Variants in DGKD observed in about 807,000 individuals in gnomAD.
The protein encoded by DGKD is DAG kinase delta.
DGKD carries 68 observed loss-of-function variants against 154.4 expected under a neutral mutation model. The ratio of observed to expected loss-of-function variants is 0.44; its 90% CI spans 0.36 to 0.54. The LOEUF is 0.54. Ranked by LOEUF, DGKD falls within the 20% of genes least tolerant of loss-of-function variation. The probability of loss-of-function intolerance (pLI) is 0.00; values close to 1 mark genes in which losing one functional copy is unlikely to be tolerated. For missense variants in DGKD, 1,343 were observed against 1,593.6 expected (o/e 0.84, Z 2.68); for synonymous variants, 693 against 638.0 (o/e 1.09, Z -1.30).
intron 1 of DGKD, among the ~76,000 whole-genome samples, chr2:233,369,651 T>G (rs1559475854): frequency 6.6e-6 from 1 of 152,226 alleles, no homozygotes; most frequent in Non-Finnish European, 1.5e-5. Flanking sequence ...GGCTGCGGGT[T>G]TGAATTGCTG....
At chr2:233,454,455 G>A (rs754345347) in intron 18 of DGKD, 4 of 484,022 alleles carry the variant, frequency 8.3e-6, no homozygotes, top group South Asian at 3.1e-5. Flanking sequence ...GACGAGAGGC[G>A]CCAGGGATGG....
intron 2 of DGKD, 129 bp from the exon 3 acceptor site, chr2:233,390,274 A>G: frequency 5.4e-6 from 3 of 554,106 alleles, no homozygotes; most frequent in Non-Finnish European, 9.4e-6. Flanking sequence ...TGGATGCTAC[A>G]GTTTCAAGGT....
Position 233,467,145 on chromosome 2 carries a change from G to C in DGKD, c.3366G>C (p.Lys1122Asn). The C allele has an allele frequency of 6.2e-7, 1 of 1,614,214 alleles. No individual in the cohort carries two copies. Among genetic ancestry groups the C allele is most frequent in the Non-Finnish European group, 8.5e-7 (1 of 1,180,034 alleles). ...SRSGKFRLVT[K>N]FKKEKNNKNK... ...GTGGTAAATTCCGCCTCGTGACCAA[G>C]TTTAAAAAGGAGAAAAACAACAAGA... Residue 1122 changes from lysine to asparagine, a missense_variant, in exon 28 of 30, where the codon AAG (lysine) becomes AAC (asparagine). By Grantham distance (94) the Lys-to-Asn change is moderately conservative (BLOSUM62 0). Transcript: ENST00000264057.
Position 233,411,790 on chromosome 2 carries a change from T to C in DGKD, c.348+21307T>C, listed in dbSNP as rs2061837565. Among the ~76,000 whole-genome samples, 8 of 152,226 alleles carry C rather than the reference T, an allele frequency of 5.3e-5. No homozygotes were observed. In the South Asian group the frequency reaches 1.7e-3, roughly 31 times the overall value. ...CTATAAGTTTTGTAGTTTTAGGTTT[T>C]ACAGTTGGGATTATTATTGATGTTC... On this transcript the variant is annotated intron_variant, in intron 3 of 29. Transcript: ENST00000264057.
Position 233,458,532 on chromosome 2 carries a change from G to A in DGKD, c.2694+135G>A, listed in dbSNP as rs950699970. 1.4e-4 allele frequency: 77 copies of A among 545,734 alleles called. No individual in the cohort carries two copies. Among genetic ancestry groups the A allele is most frequent in the African/African-American group, 1.2e-3 (65 of 53,414 alleles). 33.8% of individuals were successfully genotyped at this position (545,734 alleles called of 1,614,324 possible). The stretch of plus-strand genomic sequence containing the variant: ...GCTGCCTCATGTCCTGTCCTGGACA[G>A]CTCGTGGCCCCACTTCCTGGGCCAG... On this transcript the variant is annotated intron_variant, in intron 22 of 29. Coordinates refer to ENST00000264057, the MANE Select transcript of DGKD (RefSeq NM_152879.3). The surrounding 1 kb of genome is among the most constrained non-coding windows in gnomAD (Gnocchi z 6.6).
intron 1 of DGKD, among the ~76,000 whole-genome samples, chr2:233,377,231 T>G (rs936969322): frequency 6.6e-6 from 1 of 151,992 alleles, no homozygotes; most frequent in Non-Finnish European, 1.5e-5. Context: ...TACAGGTGTG[T>G]GCCACCACTC....
At chr2:233,357,694 G>A (rs11679008) in intron 1 of DGKD, among the ~76,000 whole-genome samples, 16,546 of 151,884 alleles carry the variant, frequency 0.11, 1,010 homozygotes, top group South Asian at 0.15. Context: ...ATGCCACCAT[G>A]CTGGCTAATT....
At chr2:233,447,576 G>C (rs778978192) in intron 12 of DGKD, 1 of 985,860 alleles carries the variant, frequency 1.0e-6, no homozygotes, top group East Asian at 1.1e-4. Flanking sequence ...AATATTCGCT[G>C]TCTGGCCAGT....
At chr2:233,437,509 T>C in intron 8 of DGKD, 30 bp downstream of exon 8, 1 of 1,596,640 alleles carries the variant, frequency 6.3e-7, no homozygotes, top group Non-Finnish European at 8.6e-7. Flanking sequence ...ATCCTTCTCA[T>C]GCACGCCCAC....
chr2:233,458,589 A>T lies in DGKD; in HGVS notation c.2694+192A>T, dbSNP rs2063530106. On this transcript the variant is annotated intron_variant, in intron 22 of 29. Coordinates refer to ENST00000264057, the MANE Select transcript of DGKD (RefSeq NM_152879.3). The surrounding 1 kb of genome is among the most constrained non-coding windows in gnomAD (Gnocchi z 6.6). Reference sequence around the variant, plus strand: ...TTCCTTGTGCTATGCTTGACAGTTAAATTCTCAAGATAACTCTTTTTAATT... The same window carrying T: ...TTCCTTGTGCTATGCTTGACAGTTATATTCTCAAGATAACTCTTTTTAATT... Among the ~76,000 whole-genome samples, 1 of 151,636 alleles carries T rather than the reference A, an allele frequency of 6.6e-6. No homozygotes were observed. Among genetic ancestry groups the T allele is most frequent in the Non-Finnish European group, 1.5e-5 (1 of 67,952 alleles).
intron 2 of DGKD, 41 bp downstream of exon 2, chr2:233,388,408 G>A: frequency 1.3e-6 from 2 of 1,574,128 alleles, no homozygotes; most frequent in Non-Finnish European, 1.7e-6. Flanking sequence ...GGACATCACA[G>A]GAGCCGTCCC....
At position 233,457,313 on chromosome 2, in the gene DGKD, T is replaced by G; in HGVS notation, c.2565T>G (p.Gly855=). 3 of 1,536,860 alleles carry G rather than the reference T, an allele frequency of 2.0e-6. No homozygotes were observed. The highest frequency in any genetic ancestry group is 2.6e-6 in the Non-Finnish European group (3 of 1,140,472). The change falls in exon 21 of 30, where the codon GGT becomes GGG. Residue 855 remains glycine, a synonymous_variant. Transcript: ENST00000264057. The surrounding 1 kb of genome is among the most constrained non-coding windows in gnomAD (Gnocchi z 5.5). The part of the protein sequence containing the change: ...SYAGGTNFWG[G]TKEDDTFAAP... ...CCGGAGGAACCAACTTCTGGGGGGG[T>G]ACCAAGGAAGATGATGTATGTATGG...
chr2:233,362,750 C>T (rs1701842354), intron 1 of DGKD, among the ~76,000 whole-genome samples: 1 of 152,226 alleles, frequency 6.6e-6, no homozygotes, highest in South Asian at 2.1e-4. Flanking sequence ...CTGAAAGAAC[C>T]ATATCTAATC....
intron 3 of DGKD, among the ~76,000 whole-genome samples, chr2:233,431,985 A>G (rs1314596918): frequency 6.6e-6 from 1 of 152,262 alleles, no homozygotes; most frequent in Non-Finnish European, 1.5e-5. Flanking sequence ...TGCATTAGCA[A>G]TGCAGGAAAA....
At chr2:233,426,752 G>A (rs552578854) in intron 3 of DGKD, among the ~76,000 whole-genome samples, 3 of 152,178 alleles carry the variant, frequency 2.0e-5, no homozygotes, top group Non-Finnish European at 2.9e-5. Context: ...TGTGGGATGC[G>A]TGGGTGGAAT....
At chr2:233,415,662 C>T (rs1290348772) in intron 3 of DGKD, among the ~76,000 whole-genome samples, 4 of 152,178 alleles carry the variant, frequency 2.6e-5, no homozygotes, top group Admixed American at 6.5e-5. Context: ...TTCACTCTGT[C>T]GCCCTGTCTG....
At chr2:233,400,551 GCT>G (rs2061535053) in intron 3 of DGKD, among the ~76,000 whole-genome samples, 2 of 152,216 alleles carry the variant, frequency 1.3e-5, no homozygotes, top group South Asian at 4.1e-4. Context: ...TCCTCTCACG[GCT>G]CTCCTTCCGT....
chr2:233,358,893 T>C (rs1044334025), intron 1 of DGKD, among the ~76,000 whole-genome samples: 3 of 152,250 alleles, frequency 2.0e-5, no homozygotes, highest in Non-Finnish European at 4.4e-5. Flanking sequence ...ACATAGGTTT[T>C]CATTTATCTT....
rs534960357 is a variant in DGKD at position 233,465,839 on chromosome 2, GT to G, written c.3307-1238del. ...ACCATATATTGCTCACAAGAGCCCTGTTTTTTTTTCTCATACTCCTAATAAA... is the reference window on the plus strand; with the variant it reads ...ACCATATATTGCTCACAAGAGCCCTGTTTTTTTTCTCATACTCCTAATAAA... On this transcript the variant is annotated intron_variant, in intron 27 of 29. Transcript: ENST00000264057. Among the ~76,000 whole-genome samples the G allele has an allele frequency of 6.8e-3, 1,024 of 150,602 alleles. 8 individuals are homozygous for G. Among genetic ancestry groups the G allele is most frequent in the Middle Eastern group, 0.017 (5 of 290 alleles).
Sources: allele counts gnomAD v4.1 joint callset (sites outside exome capture counted in the v4.1 genomes callset), GRCh38; gene constraint gnomAD v4.1.1; non-coding constraint Gnocchi (gnomAD v3.1); transcripts MANE v1.5; gene names NCBI Gene and HGNC (gene_info 2026-07-23, HGNC 2026-07-21).